MBNL2: variants seen among roughly 807,000 people sequenced by gnomAD.
MBNL2 encodes muscleblind-like protein 2.
In MBNL2, 17 loss-of-function variants were observed where a neutral mutation model predicts 41.9. The ratio of observed to expected loss-of-function variants is 0.41; its 90% CI spans 0.28 to 0.61. The LOEUF is 0.61. Among genes scored for constraint, MBNL2 ranks in the 20% least tolerant of loss-of-function variants. The probability of loss-of-function intolerance (pLI) is 0.35; values close to 1 mark genes in which losing one functional copy is unlikely to be tolerated. For missense variants in MBNL2, 336 were observed against 505.6 expected, an observed-to-expected ratio of 0.66 and a Z score of 3.22; for synonymous variants, 195 against 182.9, an observed-to-expected ratio of 1.07 and a Z score of -0.53.
intron 8 of MBNL2, among the ~76,000 whole-genome samples, chr13:97,378,145 A>G (rs903685133): frequency 6.6e-6 from 1 of 152,238 alleles, no homozygotes; most frequent in African/African-American, 2.4e-5. Context: ...AAATATTACT[A>G]TATAATATTA....
At chr13:97,149,393 G>T in the MBNL2 span, among the ~76,000 whole-genome samples, 1 of 152,012 alleles carries the variant, frequency 6.6e-6, no homozygotes, top group African/African-American at 2.4e-5. Flanking sequence ...TCACTAAGTC[G>T]TTCTCTGCTT....
chr13:97,293,709 T>A (rs1283737086), intron 2 of MBNL2, among the ~76,000 whole-genome samples: 1 of 152,258 alleles, frequency 6.6e-6, no homozygotes, highest in African/African-American at 2.4e-5. Context: ...CTGAGCTTAG[T>A]ATTTCCTGAG....
intron 1 of MBNL2, among the ~76,000 whole-genome samples, chr13:97,254,843 C>T (rs2047225124): frequency 6.6e-6 from 1 of 152,184 alleles, no homozygotes; most frequent in Non-Finnish European, 1.5e-5. Context: ...TTTTCAGCAG[C>T]AGGAACAGCC....
At chr13:97,250,095 C>A (rs146391044) in intron 1 of MBNL2, among the ~76,000 whole-genome samples, 1 of 152,250 alleles carries the variant, frequency 6.6e-6, no homozygotes, top group East Asian at 1.9e-4. Flanking sequence ...ATTATTGCTT[C>A]TATTTCATTT....
chr13:97,338,756 T>C (rs1190625654), intron 3 of MBNL2, among the ~76,000 whole-genome samples: 2 of 152,192 alleles, frequency 1.3e-5, no homozygotes, highest in African/African-American at 4.8e-5. Context: ...ATGAGTCTTG[T>C]GCCCTCCGGA....
At chr13:97,178,351 G>A in the MBNL2 span, among the ~76,000 whole-genome samples, 2 of 152,110 alleles carry the variant, frequency 1.3e-5, no homozygotes, top group African/African-American at 4.8e-5. Context: ...GATCAGCACA[G>A]GGAAATTTAA....
chr13:97,350,482 T>C (rs566736801), intron 5 of MBNL2, among the ~76,000 whole-genome samples: 1 of 152,366 alleles, frequency 6.6e-6, no homozygotes, highest in East Asian at 1.9e-4. Flanking sequence ...TAGCCTGCAA[T>C]GTTATTTGAT....
rs1009982141 is a variant in MBNL2 at position 97,268,987 on chromosome 13, C to T, written c.-604-6645C>T. ...ATGCAGGCCCGTGAGGAGGGCCTGC[C>T]GGAGGGTGGCTCAGCTGAACCTTCC... On this transcript the variant is annotated intron_variant, in intron 1 of 8. Coordinates refer to ENST00000679496, the MANE Select transcript of MBNL2 (RefSeq NM_001382683.1). The surrounding 1 kb of genome is among the most constrained non-coding windows in gnomAD (Gnocchi z 4.6). Among the ~76,000 whole-genome samples the T allele has an allele frequency of 1.3e-5, 2 of 152,126 alleles. No homozygotes were observed. The highest frequency in any genetic ancestry group is 2.9e-5 in the Non-Finnish European group (2 of 68,018).
intron 1 of MBNL2, among the ~76,000 whole-genome samples, chr13:97,264,013 CTT>C (rs71117637): frequency 5.3e-4 from 72 of 135,042 alleles, no homozygotes; most frequent in African/African-American, 1.5e-3. Context: ...TATTCTTTTT[CTT>C]TTTTTTTTTT....
intron 2 of MBNL2, among the ~76,000 whole-genome samples, chr13:97,301,578 G>A (rs2057623622): frequency 6.6e-6 from 1 of 152,168 alleles, no homozygotes; most frequent in African/African-American, 2.4e-5. Flanking sequence ...TATGCTTTTA[G>A]GTTGAGGTCA....
chr13:97,324,216 C>T (rs892755769), intron 2 of MBNL2, among the ~76,000 whole-genome samples: 6 of 152,252 alleles, frequency 3.9e-5, no homozygotes, highest in African/African-American at 1.2e-4. Context: ...GCATTCACAC[C>T]GCCTATCATG....
chr13:97,231,673 T>A (rs1004170615), intron 1 of MBNL2, among the ~76,000 whole-genome samples: 2 of 152,298 alleles, frequency 1.3e-5, no homozygotes, highest in Admixed American at 6.5e-5. Flanking sequence ...ACACAGCCTG[T>A]CTCTGGCTAT....
chr13:97,191,931 A>G, the MBNL2 span, among the ~76,000 whole-genome samples: 1 of 152,226 alleles, frequency 6.6e-6, no homozygotes, highest in Non-Finnish European at 1.5e-5. Flanking sequence ...ACATGCCTCT[A>G]TACAGGACAG....
the MBNL2 span, among the ~76,000 whole-genome samples, chr13:97,201,777 A>C: frequency 6.6e-6 from 1 of 152,218 alleles, no homozygotes; most frequent in Non-Finnish European, 1.5e-5. Flanking sequence ...TAATCACAGC[A>C]ACAATACTTG....
intron 1 of MBNL2, among the ~76,000 whole-genome samples, chr13:97,224,356 A>G (rs2041267055): frequency 6.6e-6 from 1 of 152,210 alleles, no homozygotes; most frequent in South Asian, 2.1e-4. Flanking sequence ...GAAGTACAAT[A>G]CTGCAGGCTG....
chr13:97,216,508 C>A (rs2152750821), upstream of MBNL2, among the ~76,000 whole-genome samples: 1 of 152,240 alleles, frequency 6.6e-6, no homozygotes, highest in East Asian at 1.9e-4. Context: ...AATCACAGAC[C>A]AGGCCCGTCA....
intron 3 of MBNL2, among the ~76,000 whole-genome samples, chr13:97,340,590 C>T (rs2061369499): frequency 6.6e-6 from 1 of 152,164 alleles, no homozygotes; most frequent in Non-Finnish European, 1.5e-5. Context: ...CCAACCCTTT[C>T]AGCTAAGTAG....
intron 2 of MBNL2, among the ~76,000 whole-genome samples, chr13:97,284,729 C>T (rs2152953510): frequency 6.6e-6 from 1 of 152,246 alleles, no homozygotes; most frequent in Non-Finnish European, 1.5e-5. Flanking sequence ...AGGAGGCTTG[C>T]AAAACTCCAG....
chr13:97,197,363 C>T, the MBNL2 span, among the ~76,000 whole-genome samples: 2 of 152,190 alleles, frequency 1.3e-5, no homozygotes, highest in Non-Finnish European at 2.9e-5. Context: ...ATCTATTACA[C>T]ATCTTTGGTT....
Sources: gnomAD v4.1 joint callset for allele counts (sites outside exome capture counted in the v4.1 genomes callset) on GRCh38, gnomAD v4.1.1 for gene constraint, Gnocchi (gnomAD v3.1) non-coding constraint, MANE v1.5 for transcripts, NCBI Gene and HGNC (gene_info 2026-07-23, HGNC 2026-07-21) for gene names.